ULK4: variants seen among roughly 807,000 people sequenced by gnomAD.
ULK4 encodes inactive serine/threonine-protein kinase ULK4.
A neutral mutation model predicts 160.6 loss-of-function variants in ULK4; 133 were observed. The observed-to-expected ratio is 0.83, with a 90% CI of 0.72 to 0.96. The LOEUF (loss-of-function observed/expected upper bound fraction) is 0.96. ULK4 is among the 40% of genes least tolerant of loss of function. The pLI, the probability that ULK4 is intolerant of heterozygous loss-of-function variation, is 0.00. For synonymous variants in ULK4, 534 were observed against 539.8 expected (o/e 0.99, Z 0.15); for missense variants, 1,580 against 1,499.5 (o/e 1.05, Z -0.89).
intron 35 of ULK4, among the ~76,000 whole-genome samples, chr3:41,303,038 A>T (rs2079830554): frequency 6.6e-6 from 1 of 152,218 alleles, no homozygotes; most frequent in Non-Finnish European, 1.5e-5. Flanking sequence ...GAAGGAACAA[A>T]ATATCACATT....
chr3:41,824,111 C>T (rs550505637), intron 18 of ULK4, among the ~76,000 whole-genome samples: 81 of 144,528 alleles, frequency 5.6e-4, no homozygotes, highest in African/African-American at 2.0e-3. Flanking sequence ...TGCAGTGAGC[C>T]AAGATTATGT....
At chr3:41,413,861 C>T (rs367819652) in intron 34 of ULK4, among the ~76,000 whole-genome samples, 6 of 152,246 alleles carry the variant, frequency 3.9e-5, no homozygotes, top group East Asian at 1.9e-4. Context: ...GAAAAAGGAG[C>T]GCCCAGATAC....
chr3:41,630,626 T>A (rs1343096520), intron 30 of ULK4, among the ~76,000 whole-genome samples: 3 of 152,188 alleles, frequency 2.0e-5, no homozygotes, highest in Non-Finnish European at 4.4e-5. Context: ...ATATCCCTCA[T>A]AACAGCACTA....
chr3:41,565,742 A>G (rs995732578), intron 32 of ULK4, among the ~76,000 whole-genome samples: 5 of 152,162 alleles, frequency 3.3e-5, no homozygotes, highest in African/African-American at 7.2e-5. Context: ...TAGCAACAGA[A>G]AACAGATGAA....
chr3:41,771,973 A>G (rs1222046541), intron 21 of ULK4, among the ~76,000 whole-genome samples: 1 of 152,048 alleles, frequency 6.6e-6, no homozygotes, highest in Non-Finnish European at 1.5e-5. Context: ...CCCCAATCCC[A>G]CTACCCTCCG....
chr3:41,556,487 C>CTTTTTTT (rs34888775), intron 32 of ULK4, among the ~76,000 whole-genome samples: 14 of 117,078 alleles, frequency 1.2e-4, no homozygotes, highest in African/African-American at 3.7e-4. Flanking sequence ...CTCTACCAAA[C>CTTTTTTT]TTTTTTTTTT....
At chr3:41,312,497 A>C (rs1427529791) in intron 35 of ULK4, among the ~76,000 whole-genome samples, 1 of 152,186 alleles carries the variant, frequency 6.6e-6, no homozygotes, top group East Asian at 1.9e-4. Flanking sequence ...TAAAAACACT[A>C]TACATCAAAA....
intron 35 of ULK4, among the ~76,000 whole-genome samples, chr3:41,309,058 T>C (rs73831305): frequency 6.6e-6 from 1 of 152,070 alleles, no homozygotes; most frequent in Admixed American, 6.5e-5. Flanking sequence ...TAAATAAAAT[T>C]TATGAAAGTT....
intron 30 of ULK4, among the ~76,000 whole-genome samples, chr3:41,621,803 A>C (rs2033255524): frequency 6.6e-6 from 1 of 152,228 alleles, no homozygotes; most frequent in African/African-American, 2.4e-5. Flanking sequence ...AAGCAAAAGA[A>C]ACTACCATCA....
At chr3:41,517,067 G>A (rs1473399387) in intron 32 of ULK4, among the ~76,000 whole-genome samples, 1 of 152,086 alleles carries the variant, frequency 6.6e-6, no homozygotes, top group Non-Finnish European at 1.5e-5. Flanking sequence ...CAAAAGATCT[G>A]AACAGATACC....
chr3:41,763,757 T>C (rs759348916), intron 21 of ULK4, among the ~76,000 whole-genome samples: 2 of 152,254 alleles, frequency 1.3e-5, no homozygotes, highest in Non-Finnish European at 2.9e-5. Context: ...AGCATCTACC[T>C]AGCTTTATTA....
chr3:41,718,499 A>T (rs1295096557), intron 22 of ULK4, among the ~76,000 whole-genome samples: 2 of 150,718 alleles, frequency 1.3e-5, no homozygotes, highest in African/African-American at 2.5e-5. Flanking sequence ...CCATCACCTT[A>T]GACATTTAAG....
chr3:41,677,331 C>CTTT (rs1491318416), intron 29 of ULK4, among the ~76,000 whole-genome samples: 39 of 144,686 alleles, frequency 2.7e-4, no homozygotes, highest in African/African-American at 1.0e-3. Context: ...AAAGTTCATT[C>CTTT]ATTTTTTTTT....
intron 19 of ULK4, among the ~76,000 whole-genome samples, chr3:41,813,541 T>C (rs1405784102): frequency 6.6e-6 from 1 of 152,218 alleles, no homozygotes; most frequent in Admixed American, 6.5e-5. Flanking sequence ...GCTTGAATTT[T>C]TTAAAAGTAC....
intron 30 of ULK4, among the ~76,000 whole-genome samples, chr3:41,636,687 T>C (rs2033963529): frequency 6.6e-6 from 1 of 152,118 alleles, no homozygotes; most frequent in South Asian, 2.1e-4. Flanking sequence ...ACATGTGCCA[T>C]GCTGGTGCGC....
In ULK4 at chr3:41,681,870, A is replaced by G. The variant is rs2035936032; in HGVS notation, c.2782-66T>C. The G allele has an allele frequency of 3.2e-6, 5 of 1,567,678 alleles. No individual in the cohort carries two copies. The South Asian group carries it at 4.6e-5, about 14-fold the overall frequency. Reference sequence around the variant, plus strand: ...ACAAAACTGATATCAACCACTATCTATATTTTTTCCACAGACAGAATCCCT... The same window carrying G: ...ACAAAACTGATATCAACCACTATCTGTATTTTTTCCACAGACAGAATCCCT... On this transcript the variant is annotated intron_variant, in intron 27 of 36. Transcript: ENST00000301831.
At chr3:41,367,137 G>T (rs910176847) in intron 35 of ULK4, among the ~76,000 whole-genome samples, 1 of 152,062 alleles carries the variant, frequency 6.6e-6, no homozygotes, top group Non-Finnish European at 1.5e-5. Flanking sequence ...GATCCCCTGT[G>T]GCCACTTTTT....
chr3:41,850,174 G>C (rs190574632), intron 17 of ULK4, among the ~76,000 whole-genome samples: 361 of 152,304 alleles, frequency 2.4e-3, no homozygotes, highest in Non-Finnish European at 3.8e-3. Context: ...GTATTCCATG[G>C]TGTATATGTG....
chr3:41,495,659 A>C (rs1397283179), intron 32 of ULK4, among the ~76,000 whole-genome samples: 3 of 151,344 alleles, frequency 2.0e-5, no homozygotes, highest in Non-Finnish European at 4.4e-5. Context: ...AAATGGGAGA[A>C]AATTTTTGCA....
Sources: allele counts gnomAD v4.1 joint callset (sites outside exome capture counted in the v4.1 genomes callset), GRCh38; gene constraint gnomAD v4.1.1; transcripts MANE v1.5; gene names NCBI Gene and HGNC (gene_info 2026-07-23, HGNC 2026-07-21).